PDGFC: variants seen among roughly 807,000 people sequenced by gnomAD.
The protein encoded by PDGFC is platelet-derived growth factor C.
PDGFC carries 12 observed loss-of-function variants against 35.5 expected under a neutral mutation model. The ratio of observed to expected loss-of-function variants is 0.34; its 90% CI spans 0.22 to 0.55. The LOEUF is 0.55. PDGFC is among the 20% of genes least tolerant of loss of function. The pLI, the probability that PDGFC is intolerant of heterozygous loss-of-function variation, is 0.91. For synonymous variants in PDGFC, 159 were observed against 148.8 expected, an observed-to-expected ratio of 1.07 and a Z score of -0.50; for missense variants, 322 against 412.4, an observed-to-expected ratio of 0.78 and a Z score of 1.90.
chr4:156,763,305 A>C (rs1202464269), intron 5 of PDGFC, 99 bp from the exon 6 acceptor site: 5 of 626,120 alleles, frequency 8.0e-6, no homozygotes, highest in African/African-American at 3.6e-5. Flanking sequence ...CTTGGGGCCC[A>C]AGAAAGACAC....
At chr4:156,799,545 G>C (rs1439373533) in intron 3 of PDGFC, among the ~76,000 whole-genome samples, 2 of 152,152 alleles carry the variant, frequency 1.3e-5, no homozygotes, top group Non-Finnish European at 1.5e-5. Flanking sequence ...GACACATTCT[G>C]AGGTGTTTAA....
At chr4:156,943,238 T>TACCTATGATGTAGCTCATTTC (rs1253976253) in intron 1 of PDGFC, among the ~76,000 whole-genome samples, 2 of 152,092 alleles carry the variant, frequency 1.3e-5, no homozygotes, top group African/African-American at 4.8e-5. Flanking sequence ...AGGGAATTAA[T>TACCTATGATGTAGCTCATTTC]ACCTATGATG....
At position 156,907,444 on chromosome 4, in the gene PDGFC, A is replaced by C. The variant is rs1380822351; in HGVS notation, c.119-57028T>G. On this transcript the variant is annotated intron_variant, in intron 1 of 5. Coordinates refer to ENST00000502773, the MANE Select transcript of PDGFC (RefSeq NM_016205.3). Reference sequence around the variant, plus strand: ...ATCTACACCTGGAGAAAGGGAACATAAAGGTTTAAGGGTTTCATCTCTTAA... The same window carrying C: ...ATCTACACCTGGAGAAAGGGAACATCAAGGTTTAAGGGTTTCATCTCTTAA... 2.6e-5 allele frequency among the ~76,000 whole-genome samples: 4 copies of C among 152,196 alleles called. No homozygotes were observed. The East Asian group carries it at 7.7e-4, about 29-fold the overall frequency.
At chr4:156,968,321 T>G (rs959738669) in intron 1 of PDGFC, among the ~76,000 whole-genome samples, 1 of 152,264 alleles carries the variant, frequency 6.6e-6, no homozygotes, top group East Asian at 1.9e-4. Context: ...AGAGAAGACC[T>G]GTCACAAAAC....
chr4:156,856,524 T>C (rs972043969), intron 1 of PDGFC, among the ~76,000 whole-genome samples: 1 of 152,124 alleles, frequency 6.6e-6, no homozygotes, highest in Non-Finnish European at 1.5e-5. Flanking sequence ...ATTCCTGGTG[T>C]ACACTCCCTT....
At chr4:156,894,552 C>T (rs922346141) in intron 1 of PDGFC, among the ~76,000 whole-genome samples, 1 of 151,970 alleles carries the variant, frequency 6.6e-6, no homozygotes, top group Non-Finnish European at 1.5e-5. Flanking sequence ...GCAATTAATC[C>T]GAGCAAAATA....
At chr4:156,874,803 A>C (rs1425753660) in intron 1 of PDGFC, among the ~76,000 whole-genome samples, 1 of 151,570 alleles carries the variant, frequency 6.6e-6, no homozygotes, top group African/African-American at 2.4e-5. Context: ...TGCAACCTCT[A>C]CCTATGGGGC....
chr4:156,878,113 T>C (rs1402946349), intron 1 of PDGFC, among the ~76,000 whole-genome samples: 2 of 152,206 alleles, frequency 1.3e-5, no homozygotes, highest in East Asian at 1.9e-4. Context: ...TAACGAATAT[T>C]TGTGCACTCA....
At chr4:156,924,975 G>C (rs561515935) in intron 1 of PDGFC, among the ~76,000 whole-genome samples, 1 of 142,776 alleles carries the variant, frequency 7.0e-6, no homozygotes, top group African/African-American at 2.7e-5. Context: ...GAAAGAGTCA[G>C]GGCAGCACAT....
chr4:156,965,512 G>C (rs1014026246), intron 1 of PDGFC, among the ~76,000 whole-genome samples: 1 of 152,068 alleles, frequency 6.6e-6, no homozygotes, highest in African/African-American at 2.4e-5. Context: ...GGTTAATTTA[G>C]ACTTAGTGGT....
chr4:156,970,885 G>T lies in PDGFC; in HGVS notation c.19C>A (p.Leu7Ile), dbSNP rs750927647. The T allele has an allele frequency of 6.8e-6, 11 of 1,613,192 alleles. No homozygotes were observed. Among genetic ancestry groups the T allele is most frequent in the Non-Finnish European group, 9.3e-6 (11 of 1,179,358 alleles). The change falls in exon 1 of 6, where the codon CTC becomes ATC. Residue 7 changes from leucine (L) to isoleucine (I), a missense_variant. This residue lies in a region of PDGFC where 120 missense variants were observed against 116.6 expected (regional missense o/e 1.03). Transcript: ENST00000502773. MSLFGLLLLTSALAGQR... is the reference protein window; with the variant it reads MSLFGLILLTSALAGQR... ...CCGGCCAGGGCAGATGTCAGCAGGA[G>T]AAGCCCGAAGAGGCTCATTTGGCTG...
intron 1 of PDGFC, among the ~76,000 whole-genome samples, chr4:156,858,830 A>C (rs1003509988): frequency 7.2e-5 from 11 of 152,098 alleles, no homozygotes; most frequent in African/African-American, 2.7e-4. Flanking sequence ...ATTTTCAATA[A>C]AGAATTTCAT....
At chr4:156,846,723 C>T (rs759877693) in intron 2 of PDGFC, among the ~76,000 whole-genome samples, 1 of 151,658 alleles carries the variant, frequency 6.6e-6, no homozygotes, top group African/African-American at 2.4e-5. Flanking sequence ...TTAAACAACA[C>T]ACAGTGGGTA....
intron 1 of PDGFC, among the ~76,000 whole-genome samples, chr4:156,934,632 CTT>C (rs1293896595): frequency 3.3e-5 from 5 of 152,228 alleles, no homozygotes; most frequent in Non-Finnish European, 7.3e-5. Context: ...AATTTTTTAA[CTT>C]GACTCTTTTG....
At chr4:156,858,864 T>C (rs2111107278) in intron 1 of PDGFC, among the ~76,000 whole-genome samples, 1 of 152,228 alleles carries the variant, frequency 6.6e-6, no homozygotes, top group South Asian at 2.1e-4. Context: ...TAAGCATCTG[T>C]TAATTTTCTA....
chr4:156,862,475 C>T (rs1341794666), intron 1 of PDGFC, among the ~76,000 whole-genome samples: 1 of 151,928 alleles, frequency 6.6e-6, no homozygotes, highest in Non-Finnish European at 1.5e-5. Flanking sequence ...TTTAGTAAAC[C>T]CATTGAATTT....
chr4:156,949,579 T>G (rs982147668), intron 1 of PDGFC, among the ~76,000 whole-genome samples: 3 of 151,908 alleles, frequency 2.0e-5, no homozygotes, highest in Non-Finnish European at 2.9e-5. Context: ...GAAGAATGTC[T>G]GTGCAAAGAG....
At chr4:156,895,064 C>T in intron 1 of PDGFC, among the ~76,000 whole-genome samples, 1 of 152,104 alleles carries the variant, frequency 6.6e-6, no homozygotes, top group Non-Finnish European at 1.5e-5. Context: ...TCACACTTCT[C>T]CTGTTCCTCT....
chr4:156,773,009 A>G, intron 3 of PDGFC, 116 bp from the exon 4 acceptor site: 1 of 657,914 alleles, frequency 1.5e-6, no homozygotes, highest in South Asian at 1.8e-5. Context: ...GGGAAATTGT[A>G]TTGAATCCAA....
Sources: gnomAD v4.1 joint callset for allele counts (sites outside exome capture counted in the v4.1 genomes callset) on GRCh38, gnomAD v4.1.1 for gene constraint, gnomAD v4.1.1 regional missense constraint, MANE v1.5 for transcripts, NCBI Gene and HGNC (gene_info 2026-07-23, HGNC 2026-07-21) for gene names.